The following EIF4G3 variants were observed in gnomAD, a reference collection of about 807,000 sequenced individuals.
The protein encoded by EIF4G3 is eIF-4-gamma 3.
In EIF4G3, 34 loss-of-function variants were observed where a neutral mutation model predicts 186.4. The ratio of observed to expected loss-of-function variants is 0.18; its 90% confidence interval spans 0.14 to 0.24. The LOEUF is 0.24. Ranked by LOEUF, EIF4G3 falls within the 10% of genes least tolerant of loss-of-function variation. The pLI is 1.00. For synonymous variants in EIF4G3, 673 were observed against 679.5 expected (o/e 0.99, Z 0.15); for missense variants, 1,536 against 1,948.5 (o/e 0.79, Z 3.99).
At chr1:21,119,829 CACT>C (rs1219411497) in intron 2 of EIF4G3, among the ~76,000 whole-genome samples, 2 of 151,962 alleles carry the variant, frequency 1.3e-5, no homozygotes, top group African/African-American at 4.8e-5. Context: ...CAAAAGTAAC[CACT>C]ATCAAGTTTC....
chr1:21,053,599 G>T (rs1389861006), intron 3 of EIF4G3, among the ~76,000 whole-genome samples: 3 of 140,766 alleles, frequency 2.1e-5, no homozygotes, highest in South Asian at 2.2e-4. Context: ...AGGTTGGGGG[G>T]TCAGCCCCCC....
At chr1:20,982,762 T>C (rs2078570528) in intron 7 of EIF4G3, among the ~76,000 whole-genome samples, 2 of 152,340 alleles carry the variant, frequency 1.3e-5, no homozygotes, top group South Asian at 2.1e-4. Flanking sequence ...TGATCACCCA[T>C]TTCATGATCT....
intron 14 of EIF4G3, among the ~76,000 whole-genome samples, chr1:20,914,691 T>C (rs764494965): frequency 1.3e-5 from 2 of 152,222 alleles, no homozygotes; most frequent in Non-Finnish European, 2.9e-5. Flanking sequence ...CGGTTCAAAA[T>C]ATTTTATAAT....
intron 13 of EIF4G3, among the ~76,000 whole-genome samples, chr1:20,945,141 TA>T (rs200961050): frequency 2.7e-4 from 39 of 146,258 alleles, no homozygotes; most frequent in African/African-American, 3.2e-4. Context: ...AGAGCTAAAT[TA>T]AAAAAAAAAA....
At chr1:21,125,197 G>C (rs76347689) in intron 2 of EIF4G3, among the ~76,000 whole-genome samples, 5 of 152,226 alleles carry the variant, frequency 3.3e-5, no homozygotes, top group Middle Eastern at 3.4e-3. Flanking sequence ...TGGGTTCTAC[G>C]TATGCAGCAT....
chr1:21,139,102 T>C (rs12754368), intron 2 of EIF4G3, among the ~76,000 whole-genome samples: 4,178 of 152,258 alleles, frequency 0.027, 87 homozygotes, highest in Non-Finnish European at 0.038. Flanking sequence ...TTCCAAGTTC[T>C]AAGAAGATGT....
intron 2 of EIF4G3, among the ~76,000 whole-genome samples, chr1:21,122,309 GA>G (rs11308185): frequency 0.4 from 61,249 of 151,860 alleles, 12,641 homozygotes; most frequent in Non-Finnish European, 0.43. Flanking sequence ...TCCTTTATAC[GA>G]AAAGAATAAA....
At chr1:20,966,081 A>G (rs1045000262) in intron 12 of EIF4G3, among the ~76,000 whole-genome samples, 1 of 152,184 alleles carries the variant, frequency 6.6e-6, no homozygotes, top group Non-Finnish European at 1.5e-5. Flanking sequence ...TCACCTCTGC[A>G]CCAGTCAGAT....
Position 20,941,214 on chromosome 1 carries a change from G to GCAA in EIF4G3, c.1663+274_1663+276dup, listed in dbSNP as rs140407848. 37 of 1,516,634 alleles carry GCAA rather than the reference G, an allele frequency of 2.4e-5. No homozygotes were observed. The Middle Eastern group carries it at 6.0e-4, about 25-fold the overall frequency. 93.9% of individuals were successfully genotyped at this position (1,516,634 alleles called of 1,614,324 possible). ...ACCAATTCATATGAATGAGGCAATAGCAACAACAACAACAACAAAACCCAA... is the reference window on the plus strand; with the variant it reads ...ACCAATTCATATGAATGAGGCAATAGCAACAACAACAACAACAACAAAACCCAA... On this transcript the variant is annotated intron_variant, in intron 14 of 36. Transcript: ENST00000602326.
At chr1:21,162,441 A>G (rs1217647258) in intron 2 of EIF4G3, among the ~76,000 whole-genome samples, 2 of 135,580 alleles carry the variant, frequency 1.5e-5, no homozygotes, top group East Asian at 2.1e-4. Context: ...AGAGCAAGAC[A>G]TCATCTTAAA....
chr1:21,054,998 TTGAG>T (rs1435935575), intron 3 of EIF4G3, among the ~76,000 whole-genome samples: 55 of 152,318 alleles, frequency 3.6e-4, no homozygotes, highest in African/African-American at 1.3e-3. Context: ...GTTTCCAATT[TTGAG>T]TGACTATTAC....
chr1:20,989,465 G>A (rs1219891757), intron 7 of EIF4G3, among the ~76,000 whole-genome samples: 2 of 150,018 alleles, frequency 1.3e-5, no homozygotes, highest in Admixed American at 6.7e-5. Flanking sequence ...GGTGAGCCAG[G>A]AGAATCACTT....
At chr1:20,927,829 GCA>G (rs1392459890) in intron 14 of EIF4G3, among the ~76,000 whole-genome samples, 1 of 152,122 alleles carries the variant, frequency 6.6e-6, no homozygotes, top group African/African-American at 2.4e-5. Flanking sequence ...GTGACATCGA[GCA>G]ATGCCTCTAG....
chr1:21,086,936 C>T (rs1314305604), intron 3 of EIF4G3, among the ~76,000 whole-genome samples: 1 of 137,298 alleles, frequency 7.3e-6, no homozygotes, highest in Admixed American at 7.5e-5. Context: ...GAGATTCCTT[C>T]TCAAAAAAAA....
At chr1:20,952,859 G>A (rs111947659) in intron 12 of EIF4G3, among the ~76,000 whole-genome samples, 2 of 150,986 alleles carry the variant, frequency 1.3e-5, no homozygotes, top group African/African-American at 2.4e-5. Context: ...TCGAAAACAA[G>A]CAAACAAACA....
At chr1:21,055,155 A>T (rs2094502930) in intron 3 of EIF4G3, among the ~76,000 whole-genome samples, 1 of 152,190 alleles carries the variant, frequency 6.6e-6, no homozygotes, top group Non-Finnish European at 1.5e-5. Context: ...AGCTCTTATA[A>T]GAAAATTTCT....
At position 20,971,736 on chromosome 1, in the gene EIF4G3, T is replaced by C. The variant is rs1409496849; in HGVS notation, c.591+1266A>G. Among the ~76,000 whole-genome samples the C allele has an allele frequency of 5.9e-5, 9 of 152,300 alleles. No homozygotes were observed. In the South Asian group the frequency reaches 1.9e-3, roughly 32 times the overall value. On this transcript the variant is annotated intron_variant, in intron 11 of 36. Coordinates refer to ENST00000602326, the MANE Select transcript of EIF4G3 (RefSeq NM_001391906.1). ...GCAACCTCCCCCTCCCAGTTTCAAG[T>C]GATTCTCGTGCCTCAGCCTCCCGAG...
At chr1:20,979,104 T>C (rs781153708) in intron 10 of EIF4G3, among the ~76,000 whole-genome samples, 1 of 152,230 alleles carries the variant, frequency 6.6e-6, no homozygotes, top group Non-Finnish European at 1.5e-5. Context: ...ATTTTTCTAG[T>C]ATCTACTAAT....
At chr1:21,150,258 C>T (rs2097528928) in intron 2 of EIF4G3, among the ~76,000 whole-genome samples, 1 of 152,142 alleles carries the variant, frequency 6.6e-6, no homozygotes, top group Admixed American at 6.5e-5. Flanking sequence ...GACAAGATGG[C>T]AAAGGACTTT....
Sources: gnomAD v4.1 joint callset for allele counts (sites outside exome capture counted in the v4.1 genomes callset) on GRCh38, gnomAD v4.1.1 for gene constraint, MANE v1.5 for transcripts, NCBI Gene and HGNC (gene_info 2026-07-23, HGNC 2026-07-21) for gene names.